The following CLK3 variants were observed in gnomAD, a reference collection of about 807,000 sequenced individuals.
CLK3 encodes the protein dual specificity protein kinase CLK3.
CLK3 carries 24 observed loss-of-function variants against 65.2 expected under a neutral mutation model. The observed-to-expected ratio is 0.37, with a 90% CI of 0.27 to 0.52. CLK3 has a LOEUF of 0.52. Among genes scored for constraint, CLK3 ranks in the 20% least tolerant of loss-of-function variants. The probability of loss-of-function intolerance (pLI) is 0.92; values close to 1 mark genes in which losing one functional copy is unlikely to be tolerated. For synonymous variants in CLK3, 252 were observed against 240.8 expected (o/e 1.05, Z -0.43); for missense variants, 506 against 660.0 (o/e 0.77, Z 2.56).
At chr15:74,620,683 C>G (rs555861379) in intron 3 of CLK3, 1 of 164,652 alleles carries the variant, frequency 6.1e-6, no homozygotes, top group African/African-American at 2.4e-5. Context: ...CTCATCTGCA[C>G]ACCCCTTCCC....
upstream of CLK3, chr15:74,615,802 G>A (rs565850965): frequency 1.4e-5 from 17 of 1,243,844 alleles, no homozygotes; most frequent in South Asian, 4.8e-4. Context: ...CGTCACGCGA[G>A]GGGGCGGGGC....
In CLK3 at chr15:74,621,654, G is replaced by T. The variant is rs373719670; in HGVS notation, c.370-466G>T. On this transcript the variant is annotated intron_variant, in intron 3 of 12. Transcript: ENST00000395066. This position sits in a 1 kb window ranked among gnomAD's most constrained non-coding sequence, Gnocchi z 4.8. ...TGACCAGTCTGGATGGTTGGACCCA[G>T]GCGGGGCCAGCTGCCTTCTTGCGCC... The T allele has an allele frequency of 4.0e-4, 125 of 313,018 alleles. No individual in the cohort carries two copies. In the East Asian group the frequency reaches 9.3e-3, roughly 23 times the overall value. 19.4% of individuals were successfully genotyped at this position (313,018 alleles called of 1,614,324 possible). A position where few individuals can be genotyped will look rare whatever the true frequency, so the allele number is the denominator to read the frequency against.
Position 74,629,743 on chromosome 15 carries a change from C to T in CLK3, c.1333C>T (p.Leu445=), listed in dbSNP as rs752963622. ...CCAAGACTCCCTGGAGCACGTGCAG[C>T]TGTTTGACCTGATGAGGAGGATGTT... ...MLQDSLEHVQ[L]FDLMRRMLEF... Residue 445 remains leucine, a synonymous_variant, in exon 13 of 13, where the codon CTG becomes TTG. Transcript: ENST00000395066. 5.0e-6 allele frequency: 8 copies of T among 1,613,404 alleles called. No individual in the cohort carries two copies. In the African/African-American group the frequency reaches 5.3e-5, roughly 11 times the overall value.
chr15:74,623,827 A>C (rs1222769291), intron 5 of CLK3: 1 of 152,304 alleles, frequency 6.6e-6, no homozygotes, highest in Non-Finnish European at 1.5e-5. Flanking sequence ...AATTCAGCTC[A>C]GCGAAAGGCA....
rs766489771 is a variant in CLK3 at position 74,627,453 on chromosome 15, G to A, written c.912+7G>A. 3 of 1,614,010 alleles carry A rather than the reference G, an allele frequency of 1.9e-6. No homozygotes were observed. The highest frequency in any genetic ancestry group is 2.2e-5 in the East Asian group (1 of 44,894). ...CCTCTACAATGAGCACAAGGTATTG[G>A]TGGGGGTAAGGGTGAGGCCCTGTTT... On this transcript the variant is annotated splice_region_variant and intron_variant, in intron 8 of 12. Transcript: ENST00000395066. The surrounding 1 kb of genome is among the most constrained non-coding windows in gnomAD (Gnocchi z 4.3).
chr15:74,615,676 T>A, upstream of CLK3: 1 of 1,240,790 alleles, frequency 8.1e-7, no homozygotes, highest in East Asian at 3.2e-5. Flanking sequence ...CCGGAACTAG[T>A]CTCCTAGGCC....
chr15:74,614,776 A>C (rs952470935), upstream of CLK3: 2 of 152,002 alleles, frequency 1.3e-5, no homozygotes, highest in African/African-American at 4.8e-5. Context: ...GGTGCTGGGG[A>C]AACCCTTGGC....
At chr15:74,628,180 G>A (rs1202287305) in intron 10 of CLK3, 128 bp downstream of exon 10, 6 of 713,804 alleles carry the variant, frequency 8.4e-6, no homozygotes, top group South Asian at 6.3e-5. Flanking sequence ...ATCATCATGT[G>A]AGATTCAGAC....
At chr15:74,612,315 CT>C (rs2061999860), upstream of CLK3, among the ~76,000 whole-genome samples, 1 of 152,176 alleles carries the variant, frequency 6.6e-6, no homozygotes, top group Admixed American at 6.5e-5. Flanking sequence ...ACCTCTCTGG[CT>C]TCCATAGCTT....
chr15:74,625,096 C>A, intron 6 of CLK3, 78 bp downstream of exon 6: 2 of 1,011,894 alleles, frequency 2.0e-6, no homozygotes, highest in South Asian at 1.4e-5. Context: ...TGTGCCTTCA[C>A]CCATCCGCAC....
Position 74,624,782 on chromosome 15 carries a change from C to G in CLK3, c.534-120C>G, listed in dbSNP as rs571574793. The stretch of plus-strand genomic sequence containing the variant: ...GCAGGCTGGGCATCCAGTATCTGCT[C>G]TCTTCAGTGCCGGCTGCTCCTGGAG... On this transcript the variant is annotated intron_variant, in intron 5 of 12. Transcript: ENST00000395066. This position sits in a 1 kb window ranked among gnomAD's most constrained non-coding sequence, Gnocchi z 4.2. 116 of 722,640 alleles carry G rather than the reference C, an allele frequency of 1.6e-4. No individual in the cohort carries two copies. In the African/African-American group the frequency reaches 1.8e-3, roughly 11 times the overall value. The allele number at this position is 722,640 out of a possible 1,614,324, so 44.8% of individuals were successfully genotyped here. A position where few individuals can be genotyped will look rare whatever the true frequency, so the allele number is the denominator to read the frequency against.
upstream of CLK3, chr15:74,613,496 CA>C (rs1815567552): frequency 6.6e-6 from 1 of 152,206 alleles, no homozygotes; most frequent in Admixed American, 6.5e-5. Context: ...GAATCTCAGG[CA>C]GGATGGCCTC....
intron 7 of CLK3, chr15:74,626,889 TCA>T (rs1248160703): frequency 1.2e-5 from 5 of 429,756 alleles, no homozygotes; most frequent in African/African-American, 1.0e-4. Context: ...ACCTGTGCAC[TCA>T]GTCGCACAGG....
At position 74,627,280 on chromosome 15, in the gene CLK3, G is replaced by A; in HGVS notation, c.818-72G>A. 3 of 1,177,632 alleles carry A rather than the reference G, an allele frequency of 2.5e-6. No individual in the cohort carries two copies. Among genetic ancestry groups the A allele is most frequent in the South Asian group, 1.2e-5 (1 of 81,440 alleles). The allele number at this position is 1,177,632 out of a possible 1,614,324, so 72.9% of individuals were successfully genotyped here. On this transcript the variant is annotated intron_variant, in intron 7 of 12. Coordinates refer to ENST00000395066, the MANE Select transcript of CLK3 (RefSeq NM_001130028.2). The surrounding 1 kb of genome is among the most constrained non-coding windows in gnomAD (Gnocchi z 4.3). ...CTGGCAGTTGCTGGCATTGGAAGAG[G>A]GGTCTGGCCTAGAGCTGGCAGGAGA...
chr15:74,628,056 C>T lies in CLK3; in HGVS notation c.1125+4C>T, dbSNP rs2062157905. On this transcript the variant is annotated splice_donor_region_variant and intron_variant, in intron 10 of 12. Coordinates refer to ENST00000395066, the MANE Select transcript of CLK3 (RefSeq NM_001130028.2). ...CCGGGGCTTCACACTCTTCCAGGTA[C>T]AGCCACCCTGCATTGGTCCCCTACC... The T allele has an allele frequency of 1.2e-6, 2 of 1,601,558 alleles. No homozygotes were observed. Among genetic ancestry groups the T allele is most frequent in the Non-Finnish European group, 1.7e-6 (2 of 1,168,506 alleles).
Position 74,629,941 on chromosome 15 carries a change from G to T in CLK3, c.*58G>T. The T allele has an allele frequency of 6.6e-7, 1 of 1,520,202 alleles. No individual in the cohort carries two copies. Among genetic ancestry groups the T allele is most frequent in the South Asian group, 1.2e-5 (1 of 82,004 alleles). The allele number at this position is 1,520,202 out of a possible 1,614,324, so 94.2% of individuals were successfully genotyped here. ...GCGGGACTGGGCCGCCCAGCCCCTT[G>T]ACTCCAGCCTCGACCGCCAGGCCCC... On this transcript the variant is annotated 3_prime_UTR_variant, in exon 13 of 13. Transcript: ENST00000395066.
At chr15:74,611,458 G>A (rs2061988836), upstream of CLK3, among the ~76,000 whole-genome samples, 1 of 152,252 alleles carries the variant, frequency 6.6e-6, no homozygotes. Flanking sequence ...TCCCGCCTCT[G>A]CAGCACCAGG....
Position 74,628,969 on chromosome 15 carries a change from C to T in CLK3, c.1233C>T (p.Gly411=), listed in dbSNP as rs1358550376. ...TRKQKYFYKG[G]LVWDENSSDG... ...AGCAGAAATATTTCTACAAAGGGGGCCTAGTTTGGGATGAGAACAGCTCTG... is the reference window on the plus strand; with the variant it reads ...AGCAGAAATATTTCTACAAAGGGGGTCTAGTTTGGGATGAGAACAGCTCTG... The change falls in exon 12 of 13, where the codon GGC becomes GGT. Residue 411 remains glycine (G), a synonymous_variant. Transcript: ENST00000395066. 1 of 1,613,658 alleles carries T rather than the reference C, an allele frequency of 6.2e-7. No homozygotes were observed. Among genetic ancestry groups the T allele is most frequent in the Admixed American group, 1.7e-5 (1 of 60,012 alleles).
intron 12 of CLK3, chr15:74,629,461 T>C: frequency 1.8e-6 from 1 of 568,938 alleles, no homozygotes; most frequent in East Asian, 3.0e-5. Context: ...GTCAGGACTT[T>C]GCATGTGGGG....
Sources: allele counts gnomAD v4.1 joint callset (sites outside exome capture counted in the v4.1 genomes callset), GRCh38; gene constraint gnomAD v4.1.1; non-coding constraint Gnocchi (gnomAD v3.1); transcripts MANE v1.5; gene names NCBI Gene and HGNC (gene_info 2026-07-23, HGNC 2026-07-21).